SLC9A9: variants seen among roughly 807,000 people sequenced by gnomAD.
SLC9A9 encodes sodium/hydrogen exchanger 9.
SLC9A9 carries 62 observed loss-of-function variants against 77.8 expected under a neutral mutation model. The ratio of observed to expected loss-of-function variants is 0.80; its 90% CI spans 0.65 to 0.98. The LOEUF (loss-of-function observed/expected upper bound fraction) is 0.98, where lower values mean the gene tolerates loss of function less well. Ranked by LOEUF, SLC9A9 falls within the 50% of genes least tolerant of loss-of-function variation. SLC9A9 has a pLI of 0.00. For missense variants in SLC9A9, 775 were observed against 774.9 expected (o/e 1.00, Z 0.00); for synonymous variants, 320 against 283.5 (o/e 1.13, Z -1.29).
chr3:143,768,092 C>T (rs2007389484), intron 4 of SLC9A9, among the ~76,000 whole-genome samples: 1 of 152,060 alleles, frequency 6.6e-6, no homozygotes, highest in Non-Finnish European at 1.5e-5. Flanking sequence ...CTTTCTTTTC[C>T]TTCTTATTCT....
chr3:143,356,989 T>C (rs764083527), intron 14 of SLC9A9, among the ~76,000 whole-genome samples: 3 of 152,164 alleles, frequency 2.0e-5, no homozygotes, highest in Non-Finnish European at 4.4e-5. Context: ...GATGGCTGCA[T>C]TGCAGCCCAA....
chr3:143,288,712 G>T (rs1938449985), intron 14 of SLC9A9, among the ~76,000 whole-genome samples: 1 of 152,132 alleles, frequency 6.6e-6, no homozygotes, highest in African/African-American at 2.4e-5. Context: ...TCTTTGCTTG[G>T]AAAGAGTAGG....
At chr3:143,696,441 C>T (rs900674680) in intron 4 of SLC9A9, among the ~76,000 whole-genome samples, 1 of 152,164 alleles carries the variant, frequency 6.6e-6, no homozygotes. Flanking sequence ...GCAGGATAGA[C>T]AGCAATAAGA....
chr3:143,839,510 ACACAC>A (rs2009653956), intron 1 of SLC9A9, among the ~76,000 whole-genome samples: 1 of 143,320 alleles, frequency 7.0e-6, no homozygotes, highest in Admixed American at 6.9e-5. Context: ...ATACACACAC[ACACAC>A]ACACACACAC....
At chr3:143,652,866 C>T (rs1560013775) in intron 5 of SLC9A9, among the ~76,000 whole-genome samples, 1 of 151,390 alleles carries the variant, frequency 6.6e-6, no homozygotes, top group Non-Finnish European at 1.5e-5. Context: ...TTCAACTGTC[C>T]CCCTCCCAAC....
Position 143,620,652 on chromosome 3 carries a change from G to A in SLC9A9, c.755+31603C>T, listed in dbSNP as rs576858044. 6.2e-4 allele frequency: 95 copies of A among 153,018 alleles called. 1 individual carries two copies. In the South Asian group the frequency reaches 0.015, roughly 25 times the overall value. 9.5% of individuals were successfully genotyped at this position (153,018 alleles called of 1,614,324 possible). A position where few individuals can be genotyped will look rare whatever the true frequency, so the allele number is the denominator to read the frequency against. On this transcript the variant is annotated intron_variant, in intron 6 of 15. Coordinates refer to ENST00000316549, the MANE Select transcript of SLC9A9 (RefSeq NM_173653.4). ...ACAGGGGGGTGGAGCCAAGATGGCC[G>A]AATAGGAACTGCTCCAGTCTACAGC...
At chr3:143,663,720 A>G (rs2039017626) in intron 5 of SLC9A9, among the ~76,000 whole-genome samples, 1 of 152,230 alleles carries the variant, frequency 6.6e-6, no homozygotes, top group Non-Finnish European at 1.5e-5. Flanking sequence ...GGTATCAGTG[A>G]TGGAAGATCA....
intron 4 of SLC9A9, among the ~76,000 whole-genome samples, chr3:143,767,475 C>G (rs2007363741): frequency 6.6e-6 from 1 of 151,150 alleles, no homozygotes; most frequent in Admixed American, 6.6e-5. Context: ...GAGGATAGTT[C>G]CACGGACAAA....
intron 11 of SLC9A9, among the ~76,000 whole-genome samples, chr3:143,486,032 GA>G (rs1208317781): frequency 6.6e-6 from 1 of 152,096 alleles, no homozygotes; most frequent in African/African-American, 2.4e-5. Context: ...TACCAAGAGA[GA>G]AGGGACTCAC....
At chr3:143,334,022 G>GA (rs983089018) in intron 14 of SLC9A9, among the ~76,000 whole-genome samples, 3 of 152,044 alleles carry the variant, frequency 2.0e-5, no homozygotes, top group Admixed American at 1.3e-4. Flanking sequence ...TTTTGTATTT[G>GA]AAAAAATAAT....
chr3:143,791,311 G>A (rs1482633716), intron 4 of SLC9A9, among the ~76,000 whole-genome samples: 1 of 152,194 alleles, frequency 6.6e-6, no homozygotes, highest in East Asian at 1.9e-4. Flanking sequence ...TCTAATTTCT[G>A]AAATCATATG....
chr3:143,403,429 C>G (rs375316107), intron 12 of SLC9A9, among the ~76,000 whole-genome samples: 17 of 150,116 alleles, frequency 1.1e-4, no homozygotes, highest in Admixed American at 9.3e-4. Context: ...ATAGTTAATA[C>G]GTAGTTACCT....
intron 12 of SLC9A9, among the ~76,000 whole-genome samples, chr3:143,420,246 T>C (rs1559908326): frequency 6.6e-6 from 1 of 152,174 alleles, no homozygotes; most frequent in African/African-American, 2.4e-5. Context: ...ATTTATGAAA[T>C]GAAGAAAGTA....
At chr3:143,644,434 C>T (rs954652380) in intron 6 of SLC9A9, among the ~76,000 whole-genome samples, 13 of 152,268 alleles carry the variant, frequency 8.5e-5, no homozygotes, top group Non-Finnish European at 1.5e-4. Context: ...AGACAAAAGA[C>T]AGAGTCACAG....
rs1197654252 is a variant in SLC9A9, at chr3:143,493,852, T to G, written c.1204-88A>C. ...AGCTTAAATATTATGTCCTCAAGCT[T>G]CTCTTCATTATGACCCCAAAACCAG... On this transcript the variant is annotated intron_variant, in intron 10 of 15. Transcript: ENST00000316549. 3.1e-6 allele frequency: 3 copies of G among 974,170 alleles called. No homozygotes were observed. In the African/African-American group the frequency reaches 4.8e-5, roughly 16 times the overall value. 60.3% of individuals were successfully genotyped at this position (974,170 alleles called of 1,614,324 possible).
chr3:143,826,658 C>G (rs779010447), intron 2 of SLC9A9, among the ~76,000 whole-genome samples: 5 of 152,160 alleles, frequency 3.3e-5, no homozygotes, highest in Non-Finnish European at 5.9e-5. Flanking sequence ...ATTTTCAGCT[C>G]TAGGTTTCAC....
chr3:143,782,507 C>A (rs1157291023), intron 4 of SLC9A9, among the ~76,000 whole-genome samples: 1 of 152,156 alleles, frequency 6.6e-6, no homozygotes, highest in Non-Finnish European at 1.5e-5. Flanking sequence ...GGAAAAGTTG[C>A]CTAAGCAATT....
chr3:143,655,703 CACACACACAA>C, intron 5 of SLC9A9: 1 of 894,558 alleles, frequency 1.1e-6, no homozygotes, highest in Non-Finnish European at 1.3e-6. Flanking sequence ...CACACACACA[CACACACACAA>C]ACACACCCCT....
intron 4 of SLC9A9, among the ~76,000 whole-genome samples, chr3:143,748,574 A>G (rs534634939): frequency 1.3e-5 from 2 of 152,142 alleles, no homozygotes; most frequent in Non-Finnish European, 1.5e-5. Context: ...CTGACCCTTC[A>G]TGAACAAAAG....
Sources: allele counts gnomAD v4.1 joint callset (sites outside exome capture counted in the v4.1 genomes callset), GRCh38; gene constraint gnomAD v4.1.1; transcripts MANE v1.5; gene names NCBI Gene and HGNC (gene_info 2026-07-23, HGNC 2026-07-21).